COL8A1: variants seen among roughly 807,000 people sequenced by gnomAD.
COL8A1 encodes the protein collagen alpha-1(VIII) chain.
A neutral mutation model predicts 42.7 loss-of-function variants in COL8A1; 21 were observed. The observed-to-expected ratio is 0.49, with a 90% CI of 0.35 to 0.71. The LOEUF (loss-of-function observed/expected upper bound fraction) is 0.71, where lower values mean the gene tolerates loss of function less well. Among genes scored for constraint, COL8A1 ranks in the 30% least tolerant of loss-of-function variants. The probability of loss-of-function intolerance (pLI) is 0.01; values close to 1 mark genes in which losing one functional copy is unlikely to be tolerated. For synonymous variants in COL8A1, 367 were observed against 369.1 expected (o/e 0.99, Z 0.06); for missense variants, 788 against 962.4 (o/e 0.82, Z 2.40).
intron 2 of COL8A1, among the ~76,000 whole-genome samples, chr3:99,774,800 CTTG>C (rs994686794): frequency 6.6e-6 from 1 of 152,172 alleles, no homozygotes; most frequent in African/African-American, 2.4e-5. Context: ...GTCTCCAGCA[CTTG>C]TTGTGTCTCA....
chr3:99,687,225 A>T (rs1939089318), intron 1 of COL8A1, among the ~76,000 whole-genome samples: 1 of 152,240 alleles, frequency 6.6e-6, no homozygotes, highest in Admixed American at 6.5e-5. Flanking sequence ...AGGTCAAAGA[A>T]TTAAAATTCA....
chr3:99,689,570 C>T (rs1370260202), intron 1 of COL8A1, among the ~76,000 whole-genome samples: 1 of 152,120 alleles, frequency 6.6e-6, no homozygotes, highest in East Asian at 1.9e-4. Context: ...TAATTTTTGC[C>T]ATTATTTATT....
At chr3:99,697,512 T>TG (rs964584472) in intron 1 of COL8A1, among the ~76,000 whole-genome samples, 2 of 152,092 alleles carry the variant, frequency 1.3e-5, no homozygotes, top group Non-Finnish European at 2.9e-5. Flanking sequence ...CCTAAAGAGA[T>TG]GGGGGAAGCT....
At chr3:99,663,218 T>G (rs1179295802) in intron 1 of COL8A1, among the ~76,000 whole-genome samples, 1 of 152,182 alleles carries the variant, frequency 6.6e-6, no homozygotes, top group South Asian at 2.1e-4. Flanking sequence ...CAGGCTAAAG[T>G]GCAGTGGTGC....
At chr3:99,785,373 A>T (rs1027614529) in intron 2 of COL8A1, among the ~76,000 whole-genome samples, 1 of 152,224 alleles carries the variant, frequency 6.6e-6, no homozygotes, top group Non-Finnish European at 1.5e-5. Context: ...TCTTGTCCTC[A>T]GAAAGCTTAC....
intron 2 of COL8A1, among the ~76,000 whole-genome samples, chr3:99,778,077 C>A (rs1941728064): frequency 6.6e-6 from 1 of 152,120 alleles, no homozygotes; most frequent in Admixed American, 6.6e-5. Context: ...TGGAACTTTG[C>A]AAAGTGCTGT....
At chr3:99,655,459 C>T (rs756731683) in intron 1 of COL8A1, among the ~76,000 whole-genome samples, 1 of 152,172 alleles carries the variant, frequency 6.6e-6, no homozygotes, top group Non-Finnish European at 1.5e-5. Context: ...CTGGTGGTCC[C>T]AGGGATGACC....
At chr3:99,663,851 AT>A (rs771023265) in intron 1 of COL8A1, among the ~76,000 whole-genome samples, 2 of 152,134 alleles carry the variant, frequency 1.3e-5, no homozygotes, top group East Asian at 1.9e-4. Flanking sequence ...AATGTAGGTT[AT>A]TTTTTAATGC....
chr3:99,742,368 C>G (rs1940920869), intron 1 of COL8A1, among the ~76,000 whole-genome samples: 1 of 152,160 alleles, frequency 6.6e-6, no homozygotes, highest in Admixed American at 6.5e-5. Flanking sequence ...CAAAAATTAA[C>G]TGAAATACAA....
intron 2 of COL8A1, among the ~76,000 whole-genome samples, chr3:99,757,516 A>C (rs1429298832): frequency 6.6e-6 from 1 of 152,194 alleles, no homozygotes; most frequent in African/African-American, 2.4e-5. Context: ...TGGTAGCCCC[A>C]AAAGATGACT....
chr3:99,656,401 C>T (rs1022725448), intron 1 of COL8A1, among the ~76,000 whole-genome samples: 15 of 151,902 alleles, frequency 9.9e-5, no homozygotes, highest in African/African-American at 3.4e-4. Flanking sequence ...AAATCCCAAA[C>T]CTTAAGTTTG....
chr3:99,699,545 A>C (rs1251836335), intron 1 of COL8A1, among the ~76,000 whole-genome samples: 2 of 152,254 alleles, frequency 1.3e-5, no homozygotes, highest in African/African-American at 2.4e-5. Context: ...ACCAGATAAT[A>C]CTAAGAGAAA....
chr3:99,778,188 A>G (rs768358558), intron 2 of COL8A1, among the ~76,000 whole-genome samples: 1 of 152,210 alleles, frequency 6.6e-6, no homozygotes, highest in Non-Finnish European at 1.5e-5. Flanking sequence ...CTCGACTCCA[A>G]TAGCCTACTG....
intron 1 of COL8A1, among the ~76,000 whole-genome samples, chr3:99,662,321 G>T (rs567334833): frequency 6.6e-6 from 1 of 150,896 alleles, no homozygotes; most frequent in East Asian, 2.0e-4. Flanking sequence ...GACGGAGGTT[G>T]CCCTGAGCCG....
rs1442062865 is a variant in COL8A1, at chr3:99,747,969, A to AAATCTAC, written c.-4+2951_-4+2957dup. Among the ~76,000 whole-genome samples the AAATCTAC allele has an allele frequency of 4.6e-5, 7 of 152,360 alleles. No individual in the cohort carries two copies. The East Asian group carries it at 1.3e-3, about 29-fold the overall frequency. On this transcript the variant is annotated intron_variant, in intron 2 of 3. Transcript: ENST00000652472. ...GTGGCCTTGGGCAAGTCATGAGAGT[A>AAATCTAC]AATCTACAACAAAAGAGCTAATAAT... is the stretch of plus-strand genomic sequence containing the variant.
At chr3:99,707,706 G>A (rs890904066) in intron 1 of COL8A1, among the ~76,000 whole-genome samples, 7 of 152,136 alleles carry the variant, frequency 4.6e-5, no homozygotes, top group African/African-American at 1.4e-4. Flanking sequence ...GTGCCATCTA[G>A]TAACAAACAC....
intron 1 of COL8A1, among the ~76,000 whole-genome samples, chr3:99,733,207 T>C (rs1940578754): frequency 1.3e-5 from 2 of 151,032 alleles, no homozygotes; most frequent in East Asian, 1.9e-4. Context: ...TGCAGGTTAG[T>C]TACATATGTA....
intron 2 of COL8A1, among the ~76,000 whole-genome samples, chr3:99,789,845 C>G (rs151262462): frequency 0.012 from 1,869 of 152,210 alleles, 20 homozygotes; most frequent in African/African-American, 0.028. Flanking sequence ...AATTTCTAAA[C>G]TAATGAATTC....
chr3:99,643,964 C>T (rs1488161672), intron 1 of COL8A1, among the ~76,000 whole-genome samples: 1 of 152,134 alleles, frequency 6.6e-6, no homozygotes, highest in East Asian at 1.9e-4. Flanking sequence ...AGGGACACAT[C>T]AGTCAGAATG....
Sources: allele counts gnomAD v4.1 joint callset (sites outside exome capture counted in the v4.1 genomes callset), GRCh38; gene constraint gnomAD v4.1.1; transcripts MANE v1.5; gene names NCBI Gene and HGNC (gene_info 2026-07-23, HGNC 2026-07-21).